The following DLG1 variants were observed in gnomAD, a reference collection of about 807,000 sequenced individuals.
The protein encoded by DLG1 is disks large homolog 1.
A neutral mutation model predicts 123.4 loss-of-function variants in DLG1; 42 were observed. The observed-to-expected ratio is 0.34, with a 90% CI of 0.27 to 0.44. DLG1 has a LOEUF of 0.44. Ranked by LOEUF, DLG1 falls within the 20% of genes least tolerant of loss-of-function variation. The pLI is 1.00. For synonymous variants in DLG1, 317 were observed against 356.2 expected, an observed-to-expected ratio of 0.89 and a Z score of 1.24; for missense variants, 942 against 1,082.6, an observed-to-expected ratio of 0.87 and a Z score of 1.82.
At chr3:197,132,879 A>G (rs984409589) in intron 10 of DLG1, among the ~76,000 whole-genome samples, 1 of 145,886 alleles carries the variant, frequency 6.9e-6, no homozygotes, top group African/African-American at 2.6e-5. Context: ...TACACATTAA[A>G]TAGCTGTGGT....
chr3:197,182,078 T>C (rs1712466275), intron 5 of DLG1, among the ~76,000 whole-genome samples: 1 of 152,214 alleles, frequency 6.6e-6, no homozygotes, highest in Middle Eastern at 3.2e-3. Flanking sequence ...GATATATCAA[T>C]GCTAGTGTTA....
chr3:197,298,825 T>C (rs1406965410), upstream of DLG1, among the ~76,000 whole-genome samples: 2 of 152,160 alleles, frequency 1.3e-5, no homozygotes, highest in African/African-American at 2.4e-5. Flanking sequence ...ACATATGAAA[T>C]AGAGACACTG....
rs533565129 is a variant in DLG1, at chr3:197,155,161, A to AT, written c.484-5366dup. ...TGTCAAAGGCCAAAAACAAAGGGAG[A>AT]TTTTTGAAAGCAACAAGAGAAGTGA... On this transcript the variant is annotated intron_variant, in intron 5 of 24. Transcript: ENST00000667157. 7.4e-3 allele frequency among the ~76,000 whole-genome samples: 1,121 copies of AT among 152,300 alleles called. 5 individuals carry two copies. Among genetic ancestry groups the AT allele is most frequent in the Non-Finnish European group, 0.012 (824 of 68,028 alleles).
At chr3:197,273,716 T>C (rs1448774076) in intron 4 of DLG1, among the ~76,000 whole-genome samples, 1 of 152,004 alleles carries the variant, frequency 6.6e-6, no homozygotes, top group East Asian at 1.9e-4. Context: ...AGGGGGGACT[T>C]GTAAATAACA....
intron 24 of DLG1, among the ~76,000 whole-genome samples, chr3:197,049,654 A>AG (rs1345301037): frequency 6.8e-6 from 1 of 146,956 alleles, no homozygotes; most frequent in Non-Finnish European, 1.5e-5. Flanking sequence ...CAGGAGGCTG[A>AG]GGCAGGAGAA....
At chr3:197,108,230 A>C (rs1238937564) in intron 13 of DLG1, among the ~76,000 whole-genome samples, 1 of 152,152 alleles carries the variant, frequency 6.6e-6, no homozygotes, top group East Asian at 1.9e-4. Flanking sequence ...TTTTACATCT[A>C]TATTCATATG....
chr3:197,192,084 G>A (rs933279519), intron 5 of DLG1, among the ~76,000 whole-genome samples: 4 of 151,892 alleles, frequency 2.6e-5, no homozygotes, highest in African/African-American at 9.7e-5. Context: ...AGAGCTGGGA[G>A]GATCACTTGA....
chr3:197,118,108 T>C (rs1351548546), intron 12 of DLG1, among the ~76,000 whole-genome samples: 2 of 152,186 alleles, frequency 1.3e-5, no homozygotes, highest in East Asian at 3.8e-4. Context: ...GAGTGGTTCA[T>C]ACTTAAAAGT....
intron 11 of DLG1, among the ~76,000 whole-genome samples, chr3:197,124,218 G>C (rs1052996645): frequency 2.0e-5 from 3 of 152,224 alleles, no homozygotes; most frequent in African/African-American, 7.2e-5. Flanking sequence ...GCAGCTGAGT[G>C]AGATCCTGTC....
intron 4 of DLG1, among the ~76,000 whole-genome samples, chr3:197,262,436 T>G (rs1048353665): frequency 2.0e-5 from 3 of 152,182 alleles, no homozygotes; most frequent in African/African-American, 4.8e-5. Context: ...GTATCCTTTA[T>G]AACATCTTTT....
intron 14 of DLG1, among the ~76,000 whole-genome samples, chr3:197,097,587 T>C (rs1382084208): frequency 2.0e-5 from 3 of 147,172 alleles, no homozygotes; most frequent in Non-Finnish European, 4.5e-5. Flanking sequence ...TTTCTTTTTT[T>C]TTTTTTTTTT....
chr3:197,183,262 AT>A (rs1160087742), intron 5 of DLG1, among the ~76,000 whole-genome samples: 2 of 152,236 alleles, frequency 1.3e-5, no homozygotes, highest in Non-Finnish European at 2.9e-5. Flanking sequence ...ACTCTACAGC[AT>A]TTAGCACAGT....
intron 23 of DLG1, among the ~76,000 whole-genome samples, chr3:197,052,827 G>A (rs977803124): frequency 6.6e-6 from 1 of 152,170 alleles, no homozygotes; most frequent in Non-Finnish European, 1.5e-5. Context: ...GAGATGTGGA[G>A]AGAGAATCTA....
chr3:197,152,230 G>A (rs935070761), intron 5 of DLG1, among the ~76,000 whole-genome samples: 15 of 152,112 alleles, frequency 9.9e-5, no homozygotes, highest in African/African-American at 2.7e-4. Context: ...CTGAGTGGTA[G>A]AGGGAGGTAT....
intron 5 of DLG1, among the ~76,000 whole-genome samples, chr3:197,153,246 C>T (rs1794819451): frequency 6.6e-6 from 1 of 152,164 alleles, no homozygotes; most frequent in Non-Finnish European, 1.5e-5. Flanking sequence ...GGGGTGGATT[C>T]TGGAAAGAAG....
chr3:197,205,614 T>C (rs1728132621), intron 4 of DLG1, among the ~76,000 whole-genome samples: 1 of 152,176 alleles, frequency 6.6e-6, no homozygotes, highest in Non-Finnish European at 1.5e-5. Flanking sequence ...AGTAAAACAG[T>C]ACAACTGGAC....
chr3:197,253,191 T>C (rs1277694669), intron 4 of DLG1, among the ~76,000 whole-genome samples: 1 of 152,140 alleles, frequency 6.6e-6, no homozygotes, highest in Non-Finnish European at 1.5e-5. Flanking sequence ...TAGTACACTA[T>C]AATAGATTAC....
chr3:197,190,962 AT>A (rs1719107247), intron 5 of DLG1, among the ~76,000 whole-genome samples: 2 of 152,192 alleles, frequency 1.3e-5, no homozygotes, highest in Admixed American at 1.3e-4. Context: ...GTGAGCCGAG[AT>A]CGCGCCACTG....
intron 4 of DLG1, among the ~76,000 whole-genome samples, chr3:197,276,504 G>A (rs1360736784): frequency 2.0e-5 from 3 of 152,132 alleles, no homozygotes; most frequent in African/African-American, 4.8e-5. Context: ...TTTTAAGTGT[G>A]GCTGAGCATT....
Sources: gnomAD v4.1 joint callset for allele counts (sites outside exome capture counted in the v4.1 genomes callset) on GRCh38, gnomAD v4.1.1 for gene constraint, MANE v1.5 for transcripts, NCBI Gene and HGNC (gene_info 2026-07-23, HGNC 2026-07-21) for gene names.